Variants in SKIC8 observed in about 807,000 individuals in gnomAD.
SKIC8 encodes superkiller complex protein 8.
the SKIC8 span, chr15:78,295,397 TGA>T: frequency 1.7e-6 from 1 of 592,056 alleles, no homozygotes; most frequent in East Asian, 3.1e-5. Context: ...TCTCCTATTC[TGA>T]TCTTTTTTTT....
the SKIC8 span, among the ~76,000 whole-genome samples, chr15:78,298,167 G>A: frequency 2.0e-5 from 3 of 152,184 alleles, no homozygotes; most frequent in African/African-American, 7.2e-5. Context: ...ACAGCCTTCT[G>A]CCTGCTGAAG....
the SKIC8 span, among the ~76,000 whole-genome samples, chr15:78,289,433 A>C: frequency 4.4e-3 from 640 of 146,268 alleles, 2 homozygotes; most frequent in Middle Eastern, 0.022. Context: ...AACAAACAAA[A>C]AAACAAAAAA....
At chr15:78,292,536 G>A in the SKIC8 span, 20 of 1,585,664 alleles carry the variant, frequency 1.3e-5, no homozygotes, top group Non-Finnish European at 1.7e-5. Context: ...ATTCTGAGCT[G>A]TAAAACACAT....
the SKIC8 span, among the ~76,000 whole-genome samples, chr15:78,287,406 G>A: frequency 6.6e-6 from 1 of 152,192 alleles, no homozygotes. Context: ...CCAGAAGTGG[G>A]CTAGAAGGAG....
the SKIC8 span, among the ~76,000 whole-genome samples, chr15:78,291,442 A>C: frequency 3.9e-5 from 6 of 152,192 alleles, no homozygotes; most frequent in African/African-American, 1.4e-4. Context: ...GGGTAAGGGT[A>C]CATGTAAAGA....
At chr15:78,288,973 A>C in the SKIC8 span, 4 of 439,700 alleles carry the variant, frequency 9.1e-6, no homozygotes, top group Non-Finnish European at 1.8e-5. Flanking sequence ...AGAATCCAAA[A>C]TAACAGAAAT....
chr15:78,289,524 T>A, the SKIC8 span: 3 of 887,372 alleles, frequency 3.4e-6, no homozygotes, highest in Middle Eastern at 2.6e-4. Context: ...GTAAATCTAA[T>A]GCCCATTTGC....
the SKIC8 span, chr15:78,295,243 T>C: frequency 1.8e-6 from 1 of 558,560 alleles, no homozygotes; most frequent in South Asian, 2.2e-5. Flanking sequence ...AATTATGTTT[T>C]CTTTTTCTGT....
At chr15:78,293,494 G>A in the SKIC8 span, 1 of 485,156 alleles carries the variant, frequency 2.1e-6, no homozygotes, top group Non-Finnish European at 3.7e-6. Flanking sequence ...AGGCGACAAG[G>A]TAGTACTTCG....
chr15:78,294,836 A>G, the SKIC8 span: 2 of 1,260,526 alleles, frequency 1.6e-6, no homozygotes, highest in Non-Finnish European at 2.3e-6. Context: ...TTCTTCTGCA[A>G]AGTGAGTATA....
the SKIC8 span, chr15:78,289,468 C>A: frequency 3.1e-6 from 2 of 642,320 alleles, no homozygotes; most frequent in South Asian, 4.1e-5. Context: ...AGTGACAAGA[C>A]TAAAACCTGG....
the SKIC8 span, chr15:78,292,302 C>T: frequency 7.1e-6 from 2 of 283,140 alleles, no homozygotes; most frequent in South Asian, 7.9e-5. Flanking sequence ...CTGGAAACTA[C>T]AAGCTTTTTC....
the SKIC8 span, among the ~76,000 whole-genome samples, chr15:78,287,196 C>T: frequency 6.6e-6 from 1 of 152,188 alleles, no homozygotes; most frequent in Non-Finnish European, 1.5e-5. Flanking sequence ...ATCAATAAAA[C>T]AGTGGCAATA....
the SKIC8 span, among the ~76,000 whole-genome samples, chr15:78,296,688 AG>A: frequency 6.6e-5 from 10 of 152,116 alleles, no homozygotes; most frequent in African/African-American, 2.4e-4. Context: ...TTTTTTGTAG[AG>A]ATGGGGTCTC....
At chr15:78,287,531 T>C in the SKIC8 span, among the ~76,000 whole-genome samples, 8,797 of 152,178 alleles carry the variant, frequency 0.058, 293 homozygotes, top group Middle Eastern at 0.13. Flanking sequence ...TTGGCACCCA[T>C]GGCTAAGGTT....
the SKIC8 span, chr15:78,294,816 C>T: frequency 3.2e-6 from 3 of 933,698 alleles, no homozygotes; most frequent in East Asian, 2.5e-5. Flanking sequence ...TATTTGTTTT[C>T]AGCTGCCAAT....
At chr15:78,294,808 T>A in the SKIC8 span, 3 of 844,980 alleles carry the variant, frequency 3.6e-6, no homozygotes, top group African/African-American at 1.7e-5. Context: ...TTTAAGAGTA[T>A]TTGTTTTCAG....
At chr15:78,288,601 C>T in the SKIC8 span, among the ~76,000 whole-genome samples, 2 of 152,166 alleles carry the variant, frequency 1.3e-5, no homozygotes, top group East Asian at 1.9e-4. Flanking sequence ...CTCCTTAGTT[C>T]CCTTCCCTGC....
chr15:78,298,985 T>C, the SKIC8 span, among the ~76,000 whole-genome samples: 1 of 152,204 alleles, frequency 6.6e-6, no homozygotes, highest in Non-Finnish European at 1.5e-5. Context: ...CTTTAGACCT[T>C]AGCCCTCTCT....
Sources: allele counts gnomAD v4.1 joint callset (sites outside exome capture counted in the v4.1 genomes callset), GRCh38; gene constraint gnomAD v4.1.1; transcripts MANE v1.5; gene names NCBI Gene and HGNC (gene_info 2026-07-23, HGNC 2026-07-21).